TRPC4: variants seen among roughly 807,000 people sequenced by gnomAD.
TRPC4 encodes short transient receptor potential channel 4.
TRPC4 carries 49 observed loss-of-function variants against 99.4 expected under a neutral mutation model. The ratio of observed to expected loss-of-function variants is 0.49; its 90% CI spans 0.39 to 0.63. The LOEUF is 0.63. Among genes scored for constraint, TRPC4 ranks in the 20% least tolerant of loss-of-function variants. The pLI is 0.00. For missense variants in TRPC4, 898 were observed against 1,152.9 expected, an observed-to-expected ratio of 0.78 and a Z score of 3.20; for synonymous variants, 454 against 425.9, an observed-to-expected ratio of 1.07 and a Z score of -0.81.
intron 2 of TRPC4, among the ~76,000 whole-genome samples, chr13:37,749,845 T>C (rs990178697): frequency 6.6e-6 from 1 of 152,146 alleles, no homozygotes; most frequent in African/African-American, 2.4e-5. Flanking sequence ...ATACTTGTTA[T>C]TAAAGTATAA....
Position 37,783,357 on chromosome 13 carries a change from G to C in TRPC4, c.-24C>G. On this transcript the variant is annotated 5_prime_UTR_variant, in exon 2 of 11. Coordinates refer to ENST00000379705, the MANE Select transcript of TRPC4 (RefSeq NM_016179.4). ...ATGTTTCATGCCATGCTATTTCTTC[G>C]TCTCTGAAAGTAGAAACAAAAAACA... The C allele has an allele frequency of 6.6e-7, 1 of 1,509,356 alleles. No individual in the cohort carries two copies. The highest frequency in any genetic ancestry group is 8.9e-7 in the Non-Finnish European group (1 of 1,129,550). The allele number at this position is 1,509,356 out of a possible 1,614,324, so 93.5% of individuals were successfully genotyped here.
At chr13:37,681,581 T>C (rs1165230807) in intron 4 of TRPC4, among the ~76,000 whole-genome samples, 2 of 152,222 alleles carry the variant, frequency 1.3e-5, no homozygotes, top group African/African-American at 2.4e-5. Context: ...GTTTCATTTA[T>C]TCTGGCAACA....
chr13:37,831,644 T>C (rs1282892089), intron 1 of TRPC4, among the ~76,000 whole-genome samples: 2 of 152,184 alleles, frequency 1.3e-5, no homozygotes, highest in African/African-American at 4.8e-5. Context: ...TGTATATAAA[T>C]GGATGAATGG....
chr13:37,822,668 CATT>C (rs1958051068), intron 1 of TRPC4, among the ~76,000 whole-genome samples: 1 of 151,760 alleles, frequency 6.6e-6, no homozygotes, highest in Non-Finnish European at 1.5e-5. Flanking sequence ...TCCAGTCTAT[CATT>C]GTTGGACATT....
chr13:37,719,232 C>T (rs980205284), intron 3 of TRPC4, among the ~76,000 whole-genome samples: 5 of 152,120 alleles, frequency 3.3e-5, no homozygotes, highest in Admixed American at 2.6e-4. Context: ...CCTATAGTCT[C>T]AGCTACGTTG....
chr13:37,691,545 T>C (rs1953712889), intron 4 of TRPC4, among the ~76,000 whole-genome samples: 1 of 152,216 alleles, frequency 6.6e-6, no homozygotes. Context: ...TTTAAATTAA[T>C]ATAGATTTCA....
At chr13:37,748,931 G>C (rs148382834) in intron 2 of TRPC4, among the ~76,000 whole-genome samples, 2 of 152,152 alleles carry the variant, frequency 1.3e-5, no homozygotes, top group Admixed American at 6.6e-5. Flanking sequence ...TGGTTGGTCA[G>C]TAATGATATG....
intron 2 of TRPC4, among the ~76,000 whole-genome samples, chr13:37,766,365 T>G (rs1195487111): frequency 6.6e-6 from 1 of 151,398 alleles, no homozygotes; most frequent in African/African-American, 2.4e-5. Context: ...TTTATGGTAA[T>G]AGACTGTTGC....
rs367663784 is a variant in TRPC4 at position 37,760,432 on chromosome 13, A to G, written c.379-13977T>C. 5.3e-5 allele frequency among the ~76,000 whole-genome samples: 8 copies of G among 151,874 alleles called. No homozygotes were observed. In the Admixed American group the frequency reaches 5.3e-4, roughly 10 times the overall value. ...GTCATTGGGCTGCTTTTTTGCCTTTAATGGAGGAAGGGGGAAGGGAAGTTA... is the reference window on the plus strand; with the variant it reads ...GTCATTGGGCTGCTTTTTTGCCTTTGATGGAGGAAGGGGGAAGGGAAGTTA... On this transcript the variant is annotated intron_variant, in intron 2 of 10. Coordinates refer to ENST00000379705, the MANE Select transcript of TRPC4 (RefSeq NM_016179.4).
intron 2 of TRPC4, among the ~76,000 whole-genome samples, chr13:37,757,784 A>G (rs1300499217): frequency 6.6e-6 from 1 of 152,008 alleles, no homozygotes; most frequent in African/African-American, 2.4e-5. Context: ...AGGCATAAAC[A>G]ACCAGAGAAA....
chr13:37,745,198 G>A lies in TRPC4; in HGVS notation c.897+739C>T, dbSNP rs544043250. On this transcript the variant is annotated intron_variant, in intron 3 of 10. Transcript: ENST00000379705. ...GAGGAAAATGTTGTCTATATATACA[G>A]TTGTCCCCAAGCATCTGTGGGGGAT... is the stretch of plus-strand genomic sequence containing the variant. Among the ~76,000 whole-genome samples the A allele has an allele frequency of 3.8e-4, 57 of 151,624 alleles. 1 individual carries two copies. Among genetic ancestry groups the A allele is most frequent in the African/African-American group, 1.3e-3 (54 of 41,346 alleles).
At chr13:37,791,000 T>C (rs1957103981) in intron 1 of TRPC4, among the ~76,000 whole-genome samples, 1 of 152,256 alleles carries the variant, frequency 6.6e-6, no homozygotes, top group South Asian at 2.1e-4. Flanking sequence ...ATTAAAATTA[T>C]TTAAATGCAG....
At chr13:37,827,326 T>G (rs148346644) in intron 1 of TRPC4, among the ~76,000 whole-genome samples, 2,681 of 152,316 alleles carry the variant, frequency 0.018, 42 homozygotes, top group Middle Eastern at 0.051. Flanking sequence ...GGAACTGCAT[T>G]CCTTTCGAGG....
chr13:37,653,709 A>G (rs1384052445), intron 7 of TRPC4, among the ~76,000 whole-genome samples: 3 of 152,162 alleles, frequency 2.0e-5, no homozygotes, highest in African/African-American at 7.2e-5. Flanking sequence ...AGAAGCAATA[A>G]GAAAATGTCA....
chr13:37,736,213 T>G (rs1306561122), intron 3 of TRPC4, among the ~76,000 whole-genome samples: 1 of 152,086 alleles, frequency 6.6e-6, no homozygotes, highest in African/African-American at 2.4e-5. Context: ...AAAGGTTTGG[T>G]CCCTAGGAGG....
intron 1 of TRPC4, among the ~76,000 whole-genome samples, chr13:37,794,585 T>C (rs1006121213): frequency 1.3e-5 from 2 of 152,148 alleles, no homozygotes; most frequent in Non-Finnish European, 2.9e-5. Flanking sequence ...GTAGCTAAAC[T>C]GGATAATCTT....
intron 7 of TRPC4, 38 bp downstream of exon 7, chr13:37,655,050 G>A: frequency 7.0e-7 from 1 of 1,420,708 alleles, no homozygotes; most frequent in Non-Finnish European, 9.4e-7. Context: ...ACACATTCTA[G>A]AGGAAACATT....
At chr13:37,750,117 T>A (rs573685272) in intron 2 of TRPC4, among the ~76,000 whole-genome samples, 1 of 142,554 alleles carries the variant, frequency 7.0e-6, no homozygotes, top group Non-Finnish European at 1.5e-5. Context: ...TCTAGCTTTC[T>A]TTGTTCAACT....
chr13:37,733,847 C>T (rs565997935), intron 3 of TRPC4, among the ~76,000 whole-genome samples: 1 of 152,074 alleles, frequency 6.6e-6, no homozygotes, highest in East Asian at 1.9e-4. Flanking sequence ...AATAAACACA[C>T]AAATAAAATT....
Sources: allele counts gnomAD v4.1 joint callset (sites outside exome capture counted in the v4.1 genomes callset), GRCh38; gene constraint gnomAD v4.1.1; transcripts MANE v1.5; gene names NCBI Gene and HGNC (gene_info 2026-07-23, HGNC 2026-07-21).